CACNB2: variants seen among roughly 807,000 people sequenced by gnomAD.
The protein encoded by CACNB2 is calcium voltage-gated channel auxiliary subunit beta 2.
A neutral mutation model predicts 73.3 loss-of-function variants in CACNB2; 42 were observed. The observed-to-expected ratio is 0.57, with a 90% CI of 0.45 to 0.74. The LOEUF is 0.74. CACNB2 is among the 30% of genes least tolerant of loss of function. The probability of loss-of-function intolerance (pLI) is 0.00; values close to 1 mark genes in which losing one functional copy is unlikely to be tolerated. For synonymous variants in CACNB2, 348 were observed against 310.3 expected, an observed-to-expected ratio of 1.12 and a Z score of -1.28; for missense variants, 940 against 853.0, an observed-to-expected ratio of 1.10 and a Z score of -1.27.
rs1589188263 is a variant in CACNB2, at chr10:18,379,348, G to A, written c.214-22576G>A. ...GTGCCTCAGGCTCCCTAGTAGCTAG[G>A]ACAACAGGCGTTCACCACCATGCCC... On this transcript the variant is annotated intron_variant, in intron 2 of 13. Transcript: ENST00000324631. Among the ~76,000 whole-genome samples the A allele has an allele frequency of 3.9e-5, 6 of 152,190 alleles. No individual in the cohort carries two copies. In the South Asian group the frequency reaches 1.2e-3, roughly 32 times the overall value.
chr10:18,484,167 G>C (rs1287046370), intron 3 of CACNB2, among the ~76,000 whole-genome samples: 1 of 152,184 alleles, frequency 6.6e-6, no homozygotes, highest in Non-Finnish European at 1.5e-5. Context: ...GCCAAGGCGG[G>C]CAGATCACTT....
At chr10:18,173,016 G>A (rs1354285854) in intron 2 of CACNB2, among the ~76,000 whole-genome samples, 1 of 146,886 alleles carries the variant, frequency 6.8e-6, no homozygotes, top group Non-Finnish European at 1.5e-5. Flanking sequence ...CACCTCCCAG[G>A]TTCAAGTGAT....
intron 2 of CACNB2, among the ~76,000 whole-genome samples, chr10:18,161,860 C>T (rs1160380233): frequency 2.0e-5 from 3 of 152,062 alleles, no homozygotes; most frequent in Non-Finnish European, 2.9e-5. Flanking sequence ...ACCTGGAAGG[C>T]AAACATTCCA....
intron 2 of CACNB2, among the ~76,000 whole-genome samples, chr10:18,365,897 A>T (rs2042325463): frequency 6.6e-6 from 1 of 152,232 alleles, no homozygotes; most frequent in Non-Finnish European, 1.5e-5. Context: ...TTTGTTGAGG[A>T]TGTAAGAATC....
At chr10:18,372,234 T>TTTG (rs1301127217) in intron 2 of CACNB2, among the ~76,000 whole-genome samples, 4 of 152,208 alleles carry the variant, frequency 2.6e-5, no homozygotes, top group Non-Finnish European at 5.9e-5. Flanking sequence ...AATTTTGGCT[T>TTTG]TTGTTGCCAT....
intron 3 of CACNB2, among the ~76,000 whole-genome samples, chr10:18,455,542 T>C (rs2047236340): frequency 6.6e-6 from 1 of 152,230 alleles, no homozygotes; most frequent in African/African-American, 2.4e-5. Flanking sequence ...GGCTCTTCCT[T>C]AGGGGATAAA....
chr10:18,461,763 G>C (rs1033795923), intron 3 of CACNB2, among the ~76,000 whole-genome samples: 3 of 79,316 alleles, frequency 3.8e-5, no homozygotes, highest in Admixed American at 2.8e-4. Context: ...TTTCGATAAA[G>C]CTTTTTTTTT....
chr10:18,308,994 T>C (rs956285581), intron 2 of CACNB2, among the ~76,000 whole-genome samples: 1 of 152,132 alleles, frequency 6.6e-6, no homozygotes, highest in Non-Finnish European at 1.5e-5. Flanking sequence ...CAATGCACAA[T>C]TGCCCTTAAA....
At chr10:18,412,435 C>T (rs2044687473) in intron 3 of CACNB2, among the ~76,000 whole-genome samples, 2 of 152,234 alleles carry the variant, frequency 1.3e-5, no homozygotes, top group East Asian at 1.9e-4. Flanking sequence ...TTTCTACTGC[C>T]AACCTTATCA....
chr10:18,258,498 C>T (rs537693357), intron 2 of CACNB2, among the ~76,000 whole-genome samples: 8 of 152,074 alleles, frequency 5.3e-5, no homozygotes, highest in Admixed American at 1.3e-4. Context: ...GAGGCCGAGG[C>T]GGGCGGATCA....
intron 2 of CACNB2, among the ~76,000 whole-genome samples, chr10:18,305,802 G>A (rs1317788514): frequency 6.6e-6 from 1 of 152,150 alleles, no homozygotes; most frequent in African/African-American, 2.4e-5. Context: ...AGGGGGAGAA[G>A]AAGGGTAACT....
intron 2 of CACNB2, among the ~76,000 whole-genome samples, chr10:18,303,571 G>A (rs968114560): frequency 6.6e-6 from 1 of 152,124 alleles, no homozygotes; most frequent in Non-Finnish European, 1.5e-5. Flanking sequence ...TGTCTCAGAT[G>A]TCACTTACTT....
chr10:18,539,193 C>T, intron 13 of CACNB2, 37 bp from the exon 14 acceptor site: 1 of 1,613,558 alleles, frequency 6.2e-7, no homozygotes, highest in Non-Finnish European at 8.5e-7. Flanking sequence ...TACACACTGA[C>T]CTTGGTTAAC....
intron 3 of CACNB2, among the ~76,000 whole-genome samples, chr10:18,430,329 G>A (rs1276506081): frequency 1.3e-5 from 2 of 152,130 alleles, no homozygotes; most frequent in African/African-American, 4.8e-5. Flanking sequence ...TTGGAGTGAG[G>A]AGGGAGAGAA....
chr10:18,309,730 T>C (rs2039886302), intron 2 of CACNB2, among the ~76,000 whole-genome samples: 2 of 152,180 alleles, frequency 1.3e-5, no homozygotes, highest in Non-Finnish European at 2.9e-5. Context: ...GTGCTGGGAT[T>C]ACAGGTGTGA....
At chr10:18,372,598 G>C (rs774729037) in intron 2 of CACNB2, among the ~76,000 whole-genome samples, 1 of 152,054 alleles carries the variant, frequency 6.6e-6, no homozygotes, top group Non-Finnish European at 1.5e-5. Context: ...GTAGAGACAG[G>C]GTTTCACCAT....
At chr10:18,421,535 G>C (rs982165568) in intron 3 of CACNB2, among the ~76,000 whole-genome samples, 2 of 152,056 alleles carry the variant, frequency 1.3e-5, no homozygotes, top group African/African-American at 2.4e-5. Context: ...CCCGACCTCA[G>C]GTGATCCACC....
intron 2 of CACNB2, among the ~76,000 whole-genome samples, chr10:18,296,313 G>A (rs1386813029): frequency 6.6e-6 from 1 of 152,000 alleles, no homozygotes; most frequent in Admixed American, 6.6e-5. Context: ...TACTGAACTT[G>A]TTCAAACATC....
At chr10:18,155,925 A>G (rs1293881192) in intron 2 of CACNB2, among the ~76,000 whole-genome samples, 1 of 151,078 alleles carries the variant, frequency 6.6e-6, no homozygotes, top group Non-Finnish European at 1.5e-5. Context: ...ATATATGTCA[A>G]TATGCCATAT....
Sources: allele counts gnomAD v4.1 joint callset (sites outside exome capture counted in the v4.1 genomes callset), GRCh38; gene constraint gnomAD v4.1.1; transcripts MANE v1.5; gene names NCBI Gene and HGNC (gene_info 2026-07-23, HGNC 2026-07-21).